Variants in PECR observed in about 807,000 individuals in gnomAD.
PECR encodes the protein 2,4-dienoyl-CoA reductase-related protein.
A neutral mutation model predicts 35.3 loss-of-function variants in PECR; 30 were observed. That is an observed-to-expected ratio of 0.85 (90% CI 0.64 to 1.15). The LOEUF is 1.15. PECR is among the 50% of genes most tolerant of loss of function. The pLI, the probability that PECR is intolerant of heterozygous loss-of-function variation, is 0.00. For synonymous variants in PECR, 148 were observed against 138.9 expected (o/e 1.07, Z -0.46); for missense variants, 392 against 370.8 (o/e 1.06, Z -0.47).
At chr2:216,034,340 C>T (rs534670916), downstream of PECR, among the ~76,000 whole-genome samples, 1 of 152,324 alleles carries the variant, frequency 6.6e-6, no homozygotes, top group East Asian at 1.9e-4. Flanking sequence ...TGCCCCTCTC[C>T]ATCCATCACT....
intron 3 of PECR, among the ~76,000 whole-genome samples, chr2:216,065,021 TGA>T (rs1285016133): frequency 6.6e-6 from 1 of 152,226 alleles, no homozygotes; most frequent in Non-Finnish European, 1.5e-5. Flanking sequence ...AGAGTAAGTG[TGA>T]GAGTTTTCTC....
chr2:216,055,145 AACAACTTGTAGGCCAGGC>A (rs1324992226), intron 4 of PECR, among the ~76,000 whole-genome samples: 5 of 142,846 alleles, frequency 3.5e-5, no homozygotes, highest in Non-Finnish European at 7.7e-5. Flanking sequence ...TTAATGTAAA[AACAACTTGTAGGCCAGGC>A]ACAGTGGCTC....
chr2:216,078,356 T>C (rs1345405758), intron 1 of PECR, among the ~76,000 whole-genome samples: 1 of 151,918 alleles, frequency 6.6e-6, no homozygotes, highest in Non-Finnish European at 1.5e-5. Context: ...ATAAAAATGA[T>C]TTTTATGGCC....
chr2:216,055,483 AC>A, intron 4 of PECR, among the ~76,000 whole-genome samples: 1 of 152,176 alleles, frequency 6.6e-6, no homozygotes, highest in East Asian at 1.9e-4. Flanking sequence ...ACAAAAAAAA[AC>A]ACTTGTAATA....
At chr2:216,073,846 C>T (rs1367340300) in intron 1 of PECR, among the ~76,000 whole-genome samples, 2 of 152,084 alleles carry the variant, frequency 1.3e-5, no homozygotes, top group African/African-American at 4.8e-5. Context: ...CTAGGTTTGC[C>T]TACCACTCTA....
downstream of PECR, among the ~76,000 whole-genome samples, chr2:216,035,272 C>G (rs896009316): frequency 6.6e-6 from 1 of 152,158 alleles, no homozygotes; most frequent in Non-Finnish European, 1.5e-5. Flanking sequence ...TGCTAAGGAG[C>G]ACCAGCTTCC....
At chr2:216,065,540 C>T (rs755978987) in intron 2 of PECR, 63 bp from the exon 3 acceptor site, 22 of 962,992 alleles carry the variant, frequency 2.3e-5, no homozygotes, top group Non-Finnish European at 3.7e-5. Flanking sequence ...GCTACCTCGC[C>T]TGATTGATTG....
At chr2:216,035,686 CA>C (rs1694782980), downstream of PECR, among the ~76,000 whole-genome samples, 1 of 151,958 alleles carries the variant, frequency 6.6e-6, no homozygotes, top group African/African-American at 2.4e-5. Flanking sequence ...GGGGTTTCAC[CA>C]TGTTGGCCAG....
intron 7 of PECR, among the ~76,000 whole-genome samples, chr2:216,041,317 G>T (rs1169484141): frequency 6.6e-6 from 1 of 152,136 alleles, no homozygotes; most frequent in African/African-American, 2.4e-5. Context: ...TACTGTGAGA[G>T]AAGTGGAAAG....
chr2:216,079,709 C>T (rs1248633976), intron 1 of PECR, among the ~76,000 whole-genome samples: 3 of 146,020 alleles, frequency 2.1e-5, no homozygotes, highest in African/African-American at 5.0e-5. Flanking sequence ...GGGCCGGGCA[C>T]GGTGGCTTAC....
At chr2:216,050,629 G>A (rs539793327) in intron 5 of PECR, among the ~76,000 whole-genome samples, 2 of 152,174 alleles carry the variant, frequency 1.3e-5, no homozygotes, top group Non-Finnish European at 2.9e-5. Flanking sequence ...TAGGCTGGGC[G>A]CAGTGGCTCA....
At chr2:216,043,139 A>ACTCTGTCGC (rs1363648656) in intron 7 of PECR, among the ~76,000 whole-genome samples, 1 of 140,172 alleles carries the variant, frequency 7.1e-6, no homozygotes, top group Non-Finnish European at 1.5e-5. Flanking sequence ...TAAGAGTCTC[A>ACTCTGTCGC]CTCTGTCGCC....
chr2:216,058,950 C>T lies in PECR; in HGVS notation c.451G>A (p.Gly151Arg). The change falls in exon 4 of 8, where the codon GGA (glycine) becomes AGA (arginine). Residue 151 changes from glycine (G) to arginine (R), a missense_variant. Physicochemically the swap from Gly to Arg is moderately radical, Grantham distance 125. Coordinates refer to ENST00000265322, the MANE Select transcript of PECR (RefSeq NM_018441.6). ...ACAATGATATTGACGATAGATCCTCCATGCTCTTTCATCCAGGAGCTGTAA... is the reference window on the plus strand; with the variant it reads ...ACAATGATATTGACGATAGATCCTCTATGCTCTTTCATCCAGGAGCTGTAA... Reference protein sequence around the residue: ...AVYSSWMKEHGGSIVNIIVPT... With the variant: ...AVYSSWMKEHRGSIVNIIVPT... 1 of 1,609,706 alleles carries T rather than the reference C, an allele frequency of 6.2e-7. No homozygotes were observed. Among genetic ancestry groups the T allele is most frequent in the South Asian group, 1.1e-5 (1 of 90,928 alleles).
chr2:216,050,304 C>T (rs1423218307), intron 5 of PECR, among the ~76,000 whole-genome samples: 1 of 151,676 alleles, frequency 6.6e-6, no homozygotes, highest in African/African-American at 2.4e-5. Context: ...AGAGAAGGGG[C>T]GGAAAGAGAA....
intron 7 of PECR, among the ~76,000 whole-genome samples, chr2:216,029,523 T>TA (rs1336716860): frequency 1.3e-5 from 2 of 152,150 alleles, no homozygotes; most frequent in Non-Finnish European, 2.9e-5. Context: ...GGCAAAATGA[T>TA]AAACACAAGG....
At position 216,039,366 on chromosome 2, in the gene PECR, AAAG is replaced by A; in HGVS notation, c.827-9_827-7del. On this transcript the variant is annotated splice_polypyrimidine_tract_variant and splice_region_variant and intron_variant, in intron 7 of 7. Transcript: ENST00000265322. ...CTTGGGCCAGTTGTCATGATCTGTT[AAAG>A]AAGTGGAAAGCCTCCTGTCACTTGC... The A allele has an allele frequency of 1.3e-6, 2 of 1,525,766 alleles. No homozygotes were observed. The highest frequency in any genetic ancestry group is 9.1e-7 in the Non-Finnish European group (1 of 1,099,284). The allele number at this position is 1,525,766 out of a possible 1,614,324, so 94.5% of individuals were successfully genotyped here.
At chr2:216,077,323 G>C (rs976669837) in intron 1 of PECR, among the ~76,000 whole-genome samples, 8 of 79,450 alleles carry the variant, frequency 1.0e-4, no homozygotes, top group African/African-American at 5.0e-4. Flanking sequence ...TGGCTAACAC[G>C]GTGAAACCCC....
At chr2:216,031,421 AAAG>A (rs763974574) in intron 7 of PECR, among the ~76,000 whole-genome samples, 16,130 of 68,548 alleles carry the variant, frequency 0.24, 1,170 homozygotes, top group East Asian at 0.37. Context: ...AGAAAGGAAG[AAAG>A]AAAGAAAAGA....
At position 216,043,054 on chromosome 2, in the gene PECR, C is replaced by T. The variant is rs1356450716; in HGVS notation, c.826+850G>A. 7.4e-5 allele frequency among the ~76,000 whole-genome samples: 9 copies of T among 121,478 alleles called. 1 individual carries two copies. Among genetic ancestry groups the T allele is most frequent in the African/African-American group, 2.9e-4 (9 of 31,076 alleles). The allele number at this position is 121,478 out of a possible 152,430, so 79.7% of individuals were successfully genotyped here. On this transcript the variant is annotated intron_variant, in intron 7 of 7. Coordinates refer to ENST00000265322, the MANE Select transcript of PECR (RefSeq NM_018441.6). Reference sequence around the variant, plus strand: ...ATATGTATGTGTATATATATATACACATACGTATATATGTATGTATATATA... The same window carrying T: ...ATATGTATGTGTATATATATATACATATACGTATATATGTATGTATATATA...
Sources: gnomAD v4.1 joint callset for allele counts (sites outside exome capture counted in the v4.1 genomes callset) on GRCh38, gnomAD v4.1.1 for gene constraint, MANE v1.5 for transcripts, NCBI Gene and HGNC (gene_info 2026-07-23, HGNC 2026-07-21) for gene names.